The following CPNE4 variants were observed in gnomAD, a reference collection of about 807,000 sequenced individuals.
CPNE4 encodes copine-4.
Under a neutral mutation model 67.9 loss-of-function variants are expected in CPNE4, and 25 were observed. That is an observed-to-expected ratio of 0.37 (90% CI 0.27 to 0.51). The LOEUF is 0.51. Ranked by LOEUF, CPNE4 falls within the 20% of genes least tolerant of loss-of-function variation. The pLI is 0.93. For missense variants in CPNE4, 464 were observed against 690.8 expected, an observed-to-expected ratio of 0.67 and a Z score of 3.68; for synonymous variants, 242 against 244.9, an observed-to-expected ratio of 0.99 and a Z score of 0.11.
intron 1 of CPNE4, among the ~76,000 whole-genome samples, chr3:131,962,421 G>GCAC (rs898750754): frequency 6.6e-6 from 1 of 152,102 alleles, no homozygotes; most frequent in Admixed American, 6.5e-5. Context: ...CACATGCAAT[G>GCAC]CACCACCACC....
chr3:131,638,176 T>A (rs2079444157), intron 7 of CPNE4, among the ~76,000 whole-genome samples: 1 of 151,918 alleles, frequency 6.6e-6, no homozygotes, highest in Admixed American at 6.6e-5. Context: ...ATGAATAGAA[T>A]AGTACCTCAC....
chr3:131,870,504 G>T (rs1338577550), intron 2 of CPNE4, among the ~76,000 whole-genome samples: 1 of 152,082 alleles, frequency 6.6e-6, no homozygotes, highest in African/African-American at 2.4e-5. Context: ...AGTGGGTGAG[G>T]GGATCAAAGA....
chr3:131,766,436 T>C (rs2083017868), intron 2 of CPNE4, among the ~76,000 whole-genome samples: 1 of 152,030 alleles, frequency 6.6e-6, no homozygotes, highest in Non-Finnish European at 1.5e-5. Context: ...ATAACAGAAA[T>C]AGATAGTGTG....
At chr3:131,924,181 A>T (rs749294445) in intron 1 of CPNE4, among the ~76,000 whole-genome samples, 1 of 152,220 alleles carries the variant, frequency 6.6e-6, no homozygotes, top group African/African-American at 2.4e-5. Flanking sequence ...TAGCCACATG[A>T]CATATCTTGT....
At chr3:131,662,066 G>A (rs1050467540) in intron 7 of CPNE4, among the ~76,000 whole-genome samples, 2 of 152,000 alleles carry the variant, frequency 1.3e-5, no homozygotes, top group African/African-American at 2.4e-5. Context: ...GAGCTAGAAG[G>A]TTTGCTAGAA....
intron 2 of CPNE4, among the ~76,000 whole-genome samples, chr3:131,882,597 T>C (rs2087720466): frequency 7.1e-6 from 1 of 140,518 alleles, no homozygotes; most frequent in African/African-American, 2.4e-5. Flanking sequence ...TATTGATGCC[T>C]AACAGCTATA....
At chr3:131,955,410 G>GTTTTTTTGTTT (rs1553814124) in intron 1 of CPNE4, among the ~76,000 whole-genome samples, 4 of 42,268 alleles carry the variant, frequency 9.5e-5, no homozygotes, top group Non-Finnish European at 1.3e-4. Flanking sequence ...TGTATGTAAG[G>GTTTTTTTGTTT]TTTTTTTTTT....
intron 2 of CPNE4, among the ~76,000 whole-genome samples, chr3:131,828,455 A>G (rs1476417019): frequency 6.6e-6 from 1 of 152,222 alleles, no homozygotes; most frequent in African/African-American, 2.4e-5. Context: ...CCATGCTATT[A>G]TAAGCATTGG....
chr3:131,933,324 A>C (rs2071126287), intron 1 of CPNE4, among the ~76,000 whole-genome samples: 1 of 152,202 alleles, frequency 6.6e-6, no homozygotes, highest in South Asian at 2.1e-4. Context: ...GGAAAAGAAG[A>C]AAAGGGAATA....
At chr3:131,708,267 G>T (rs1371850303) in intron 3 of CPNE4, among the ~76,000 whole-genome samples, 1 of 150,986 alleles carries the variant, frequency 6.6e-6, no homozygotes, top group South Asian at 2.1e-4. Flanking sequence ...AGGAGCTACT[G>T]AGTGAGTAGG....
intron 1 of CPNE4, among the ~76,000 whole-genome samples, chr3:131,993,089 G>A (rs1372122178): frequency 7.4e-6 from 1 of 135,746 alleles, no homozygotes; most frequent in Non-Finnish European, 1.7e-5. Flanking sequence ...GGAGGATAAG[G>A]CACATGATTT....
chr3:131,743,962 C>CAAAAAAAAAAAAA (rs67791015), intron 2 of CPNE4, among the ~76,000 whole-genome samples: 10 of 59,176 alleles, frequency 1.7e-4, no homozygotes, highest in Admixed American at 5.7e-4. Flanking sequence ...GACTCCGTCT[C>CAAAAAAAAAAAAA]AAAAAAAAAA....
chr3:131,938,547 G>C (rs1186527433), intron 1 of CPNE4, among the ~76,000 whole-genome samples: 2 of 152,054 alleles, frequency 1.3e-5, no homozygotes, highest in East Asian at 1.9e-4. Context: ...TCATAGTTCT[G>C]CATGGCTGGA....
At chr3:131,908,660 T>C (rs2107783839) in intron 1 of CPNE4, among the ~76,000 whole-genome samples, 1 of 152,268 alleles carries the variant, frequency 6.6e-6, no homozygotes, top group East Asian at 1.9e-4. Flanking sequence ...AAATACATAT[T>C]GTATTTTTAC....
At chr3:131,817,192 G>T (rs1484043103) in intron 2 of CPNE4, among the ~76,000 whole-genome samples, 1 of 152,146 alleles carries the variant, frequency 6.6e-6, no homozygotes, top group Non-Finnish European at 1.5e-5. Context: ...GCAAAGCAGG[G>T]TTGGGGGAAA....
intron 7 of CPNE4, among the ~76,000 whole-genome samples, chr3:131,611,657 CTT>C (rs112352428): frequency 8.2e-5 from 12 of 145,908 alleles, no homozygotes; most frequent in South Asian, 2.2e-4. Flanking sequence ...TCTAGAATGT[CTT>C]TTTTTTTTTT....
At chr3:131,814,572 A>ATTT (rs71136418) in intron 2 of CPNE4, among the ~76,000 whole-genome samples, 1 of 71,134 alleles carries the variant, frequency 1.4e-5, no homozygotes, top group Non-Finnish European at 2.7e-5. Context: ...TTGAAATGCA[A>ATTT]TTTTTTTTTT....
intron 2 of CPNE4, among the ~76,000 whole-genome samples, chr3:131,820,459 G>A (rs1487500402): frequency 6.6e-6 from 1 of 152,228 alleles, no homozygotes; most frequent in Admixed American, 6.5e-5. Flanking sequence ...CTCTGCAGCT[G>A]AGGCAGTCCT....
At chr3:131,600,142 G>T (rs1469962318) in intron 7 of CPNE4, among the ~76,000 whole-genome samples, 1 of 152,098 alleles carries the variant, frequency 6.6e-6, no homozygotes, top group Non-Finnish European at 1.5e-5. Context: ...ACACACTAAG[G>T]TATCCATGCA....
Sources: gnomAD v4.1 joint callset for allele counts (sites outside exome capture counted in the v4.1 genomes callset) on GRCh38, gnomAD v4.1.1 for gene constraint, MANE v1.5 for transcripts, NCBI Gene and HGNC (gene_info 2026-07-23, HGNC 2026-07-21) for gene names.